The following EXOSC2 variants were observed in gnomAD, a reference collection of about 807,000 sequenced individuals.
EXOSC2 encodes exosome component 2, also known as exosome complex component RRP4.
EXOSC2 carries 29 observed loss-of-function variants against 37.6 expected under a neutral mutation model. That is an observed-to-expected ratio of 0.77 (90% CI 0.57 to 1.05). The LOEUF (loss-of-function observed/expected upper bound fraction) is 1.05, where lower values mean the gene tolerates loss of function less well. Ranked by LOEUF, EXOSC2 falls within the 50% of genes least tolerant of loss-of-function variation. The pLI, the probability that EXOSC2 is intolerant of heterozygous loss-of-function variation, is 0.00. For synonymous variants in EXOSC2, 119 were observed against 131.1 expected (o/e 0.91, Z 0.63); for missense variants, 346 against 365.6 (o/e 0.95, Z 0.44).
In EXOSC2 at chr9:130,703,755, T is replaced by A; in HGVS notation, c.863T>A (p.Leu288His). ...ATTGTGATGGAAACACGCCAGAGGC[T>A]TTTGGAACAGGAGGGATAAGGAGGT... ...EEIVMETRQR[L>H]LEQEG The change falls in exon 9 of 9, where the codon CTT becomes CAT. Residue 288 changes from leucine (L) to histidine (H), a missense_variant. Transcript: ENST00000372358. 1 of 1,613,652 alleles carries A rather than the reference T, an allele frequency of 6.2e-7. No individual in the cohort carries two copies. The highest frequency in any genetic ancestry group is 8.5e-7 in the Non-Finnish European group (1 of 1,179,730).
intron 2 of EXOSC2, among the ~76,000 whole-genome samples, chr9:130,696,430 G>C (rs1486884581): frequency 2.6e-5 from 4 of 152,146 alleles, no homozygotes; most frequent in Non-Finnish European, 4.4e-5. Flanking sequence ...GGAGGGACTT[G>C]ATCTGGACTT....
At chr9:130,695,855 CTTT>C (rs397721632) in intron 2 of EXOSC2, among the ~76,000 whole-genome samples, 4 of 111,200 alleles carry the variant, frequency 3.6e-5, no homozygotes, top group African/African-American at 1.4e-4. Context: ...AGGATTTTCT[CTTT>C]TTTTTTTTTT....
chr9:130,703,828 T>C lies in EXOSC2; in HGVS notation c.*54T>C, dbSNP rs993759812. 8 of 1,419,052 alleles carry C rather than the reference T, an allele frequency of 5.6e-6. No homozygotes were observed. Among genetic ancestry groups the C allele is most frequent in the Non-Finnish European group, 7.9e-6 (8 of 1,016,518 alleles). The allele number at this position is 1,419,052 out of a possible 1,614,324, so 87.9% of individuals were successfully genotyped here. ...GACCTTGCAGGAGTGAAGACTGTGA[T>C]GTGTGGTCCCCATATGTGGCTCAGC... On this transcript the variant is annotated 3_prime_UTR_variant, in exon 9 of 9. Coordinates refer to ENST00000372358, the MANE Select transcript of EXOSC2 (RefSeq NM_014285.7).
At chr9:130,702,111 A>G (rs747258807) in intron 6 of EXOSC2, 23 bp from the exon 7 acceptor site, 3 of 1,611,324 alleles carry the variant, frequency 1.9e-6, no homozygotes, top group Non-Finnish European at 2.5e-6. Flanking sequence ...GCAGTGACCT[A>G]GCTTCGTGAT....
rs1006601376 is a variant in EXOSC2 at position 130,704,853 on chromosome 9, G to A, written c.*1079G>A. The A allele has an allele frequency of 6.6e-6, 1 of 152,106 alleles. No individual in the cohort carries two copies. Among genetic ancestry groups the A allele is most frequent in the Admixed American group, 6.6e-5 (1 of 15,266 alleles). 9.4% of individuals were successfully genotyped at this position (152,106 alleles called of 1,614,324 possible). A position where few individuals can be genotyped will look rare whatever the true frequency, so the allele number is the denominator to read the frequency against. On this transcript the variant is annotated 3_prime_UTR_variant, in exon 9 of 9. Transcript: ENST00000372358. ...AAGATAAAAAGACGCCAGAGTTCTC[G>A]CTGAAGAATGTGAGAATTCCTGTGC...
chr9:130,693,940 G>A (rs1831036832), intron 1 of EXOSC2, 27 bp downstream of exon 1: 1 of 1,575,842 alleles, frequency 6.3e-7, no homozygotes, highest in Non-Finnish European at 8.7e-7. Flanking sequence ...GGGAGTCGAG[G>A]CTTCAGAGAG....
Position 130,701,952 on chromosome 9 carries a change from T to A in EXOSC2, c.496-182T>A, listed in dbSNP as rs1344023183. 2.3e-5 allele frequency: 32 copies of A among 1,412,154 alleles called. 1 individual carries two copies. The East Asian group carries it at 7.0e-4, about 31-fold the overall frequency. 87.5% of individuals were successfully genotyped at this position (1,412,154 alleles called of 1,614,324 possible). On this transcript the variant is annotated intron_variant, in intron 6 of 8. Coordinates refer to ENST00000372358, the MANE Select transcript of EXOSC2 (RefSeq NM_014285.7). ...GTCACCTTCTGCTGGGATGTATGAA[T>A]AGCCTCTGAGTCCCAAAGCGTTCTC...
At chr9:130,695,744 C>T (rs926209726) in intron 2 of EXOSC2, 151 bp downstream of exon 2, 6 of 654,496 alleles carry the variant, frequency 9.2e-6, no homozygotes, top group African/African-American at 9.0e-5. Context: ...TGGGGTGGTG[C>T]AGATCAGTGC....
chr9:130,701,163 CCAAGGAGA>C, intron 6 of EXOSC2: 1 of 458,928 alleles, frequency 2.2e-6, no homozygotes, highest in Non-Finnish European at 3.9e-6. Context: ...TCCTTTTTCT[CCAAGGAGA>C]CTGACTTTCA....
chr9:130,693,954 C>T, intron 1 of EXOSC2, 41 bp downstream of exon 1: 3 of 1,563,084 alleles, frequency 1.9e-6, no homozygotes, highest in Non-Finnish European at 2.6e-6. Flanking sequence ...CAGAGAGCGG[C>T]TTCAGGGCTC....
At chr9:130,703,654 T>A (rs1378292054) in intron 8 of EXOSC2, 40 bp from the exon 9 acceptor site, 1 of 1,541,140 alleles carries the variant, frequency 6.5e-7, no homozygotes, top group East Asian at 2.2e-5. Flanking sequence ...CTGTTTATGG[T>A]TGGTTTCTTT....
At position 130,694,046 on chromosome 9, in the gene EXOSC2, A is replaced by G. The variant is rs2132623522; in HGVS notation, c.122+133A>G. 1 of 1,028,546 alleles carries G rather than the reference A, an allele frequency of 9.7e-7. No individual in the cohort carries two copies. The highest frequency in any genetic ancestry group is 2.3e-5 in the South Asian group (1 of 43,104). 63.7% of individuals were successfully genotyped at this position (1,028,546 alleles called of 1,614,324 possible). The stretch of plus-strand genomic sequence containing the variant: ...GGCACTTCGTCTGAGCATCCTACAC[A>G]CCTCGCTTCCGAGCCTCGTGCTTCT... On this transcript the variant is annotated intron_variant, in intron 1 of 8. Transcript: ENST00000372358. This position sits in a 1 kb window ranked among gnomAD's most constrained non-coding sequence, Gnocchi z 4.0.
chr9:130,697,995 T>G, intron 3 of EXOSC2, 167 bp from the exon 4 acceptor site: 1 of 609,282 alleles, frequency 1.6e-6, no homozygotes, highest in Non-Finnish European at 2.9e-6. Flanking sequence ...GGTTTCATTA[T>G]ATTGGTCAGG....
Position 130,701,833 on chromosome 9 carries a change from C to T in EXOSC2, c.496-301C>T, listed in dbSNP as rs377076134. 9.8e-6 allele frequency: 11 copies of T among 1,127,738 alleles called. No homozygotes were observed. In the East Asian group the frequency reaches 5.3e-4, roughly 54 times the overall value. 69.9% of individuals were successfully genotyped at this position (1,127,738 alleles called of 1,614,324 possible). A position where few individuals can be genotyped will look rare whatever the true frequency, so the allele number is the denominator to read the frequency against. Reference sequence around the variant, plus strand: ...AGCAGGAGGCTCCAGCTCACTTCCTCATTGGCTTCAGCTTCTCTAATGTCT... The same window carrying T: ...AGCAGGAGGCTCCAGCTCACTTCCTTATTGGCTTCAGCTTCTCTAATGTCT... On this transcript the variant is annotated intron_variant, in intron 6 of 8. Transcript: ENST00000372358.
Position 130,703,108 on chromosome 9 carries a change from C to A in EXOSC2, c.728C>A (p.Ser243Ter), listed in dbSNP as rs771988501. ...TCCCGGCTTCGGAACTGCATCATCTCGCTGGTAACTCAGAGGATGATGCTG... is the reference window on the plus strand; with the variant it reads ...TCCCGGCTTCGGAACTGCATCATCTAGCTGGTAACTCAGAGGATGATGCTG... Reference protein sequence around the residue: ...VISRLRNCIISLVTQRMMLYD... With the variant: ...VISRLRNCII The change falls in exon 8 of 9, where the codon TCG becomes TAG. Residue 243 changes from serine to a stop codon, truncating the protein, a stop_gained. Coordinates refer to ENST00000372358, the MANE Select transcript of EXOSC2 (RefSeq NM_014285.7). LOFTEE classifies it high-confidence loss of function. 6.2e-7 allele frequency: 1 copy of A among 1,613,960 alleles called. No individual in the cohort carries two copies. Among genetic ancestry groups the A allele is most frequent in the Non-Finnish European group, 8.5e-7 (1 of 1,179,936 alleles).
chr9:130,695,530 C>T lies in EXOSC2; in HGVS notation c.161C>T (p.Ala54Val), dbSNP rs1433969630. 1 of 1,614,100 alleles carries T rather than the reference C, an allele frequency of 6.2e-7. No homozygotes were observed. The highest frequency in any genetic ancestry group is 1.3e-5 in the African/African-American group (1 of 74,938). Residue 54 changes from alanine to valine, a missense_variant, in exon 2 of 9, where the codon GCA becomes GTA. Ala to Val is a moderately conservative substitution (Grantham distance 64). Transcript: ENST00000372358. ...TATATGGGAGAAGAGAAGCTCATTG[C>T]ATCTGTTGCTGGCTCTGTGGAGAGA... Reference protein sequence around the residue: ...GTYMGEEKLIASVAGSVERVN... With the variant: ...GTYMGEEKLIVSVAGSVERVN...
In EXOSC2 at chr9:130,697,635, C is replaced by T. The variant is rs531053282; in HGVS notation, c.270+8C>T. 8.1e-6 allele frequency: 13 copies of T among 1,613,640 alleles called. No individual in the cohort carries two copies. In the South Asian group the frequency reaches 8.8e-5, roughly 11 times the overall value. The stretch of plus-strand genomic sequence containing the variant: ...GTGGGACGAATCACAGAGGTAACGT[C>T]GATATCAGATTGGTGTTTACAAAGT... On this transcript the variant is annotated splice_region_variant and intron_variant, in intron 3 of 8. Coordinates refer to ENST00000372358, the MANE Select transcript of EXOSC2 (RefSeq NM_014285.7).
Position 130,693,899 on chromosome 9 carries a change from C to T in EXOSC2, c.108C>T (p.Asp36=), listed in dbSNP as rs755060021. ...LVVPGDTITT[D]TGFMRGHGTY... The stretch of plus-strand genomic sequence containing the variant: ...TGCCGGGGGATACAATCACTACGGA[C>T]ACAGGATTCATGCGGTACGTGGGGA... The change falls in exon 1 of 9, where the codon GAC becomes GAT. Residue 36 remains aspartate (D), a synonymous_variant. Transcript: ENST00000372358. 6.2e-7 allele frequency: 1 copy of T among 1,609,580 alleles called. No individual in the cohort carries two copies. Among genetic ancestry groups the T allele is most frequent in the South Asian group, 1.1e-5 (1 of 90,878 alleles).
intron 1 of EXOSC2, among the ~76,000 whole-genome samples, chr9:130,695,017 G>C (rs1356670725): frequency 1.3e-5 from 2 of 151,928 alleles, no homozygotes; most frequent in African/African-American, 4.8e-5. Flanking sequence ...CTGGCCCCTA[G>C]GAAATCTTAA....
Sources: allele counts gnomAD v4.1 joint callset (sites outside exome capture counted in the v4.1 genomes callset), GRCh38; gene constraint gnomAD v4.1.1; non-coding constraint Gnocchi (gnomAD v3.1); transcripts MANE v1.5; gene names NCBI Gene and HGNC (gene_info 2026-07-23, HGNC 2026-07-21).